Variants in RYR2 observed in about 807,000 individuals in gnomAD.
The protein encoded by RYR2 is cardiac muscle ryanodine receptor-calcium release channel.
RYR2 carries 227 observed loss-of-function variants against 601.1 expected under a neutral mutation model. That is an observed-to-expected ratio of 0.38 (90% CI 0.34 to 0.42). The LOEUF is 0.42. Ranked by LOEUF, RYR2 falls within the 10% of genes least tolerant of loss-of-function variation. The pLI, the probability that RYR2 is intolerant of heterozygous loss-of-function variation, is 1.00. For synonymous variants in RYR2, 2,223 were observed against 2,175.1 expected (o/e 1.02, Z -0.61); for missense variants, 4,646 against 6,156.5 (o/e 0.75, Z 8.21).
intron 1 of RYR2, among the ~76,000 whole-genome samples, chr1:237,097,598 C>A (rs79067483): frequency 0.032 from 4,897 of 152,134 alleles, 107 homozygotes; most frequent in East Asian, 0.066. Flanking sequence ...TATAGGAGAC[C>A]AAAATGGATA....
At chr1:237,157,733 G>A (rs140058069) in intron 1 of RYR2, among the ~76,000 whole-genome samples, 20 of 152,306 alleles carry the variant, frequency 1.3e-4, no homozygotes, top group African/African-American at 4.6e-4. Flanking sequence ...GAGAATGGAA[G>A]CGTAGTGGGA....
At chr1:237,192,716 G>T (rs948470130) in intron 1 of RYR2, among the ~76,000 whole-genome samples, 3 of 152,098 alleles carry the variant, frequency 2.0e-5, no homozygotes, top group East Asian at 3.9e-4. Context: ...TTTATTTTCC[G>T]CTAAGGGGTT....
intron 1 of RYR2, among the ~76,000 whole-genome samples, chr1:237,055,526 A>C (rs1233873155): frequency 6.6e-6 from 1 of 152,152 alleles, no homozygotes. Context: ...CGGGAGCTTT[A>C]GGACACAGTG....
At chr1:237,606,334 A>G (rs1387519553) in intron 35 of RYR2, among the ~76,000 whole-genome samples, 1 of 152,220 alleles carries the variant, frequency 6.6e-6, no homozygotes, top group Non-Finnish European at 1.5e-5. Flanking sequence ...TCCCTATTTA[A>G]TAAATGGTGC....
Position 237,400,316 on chromosome 1 carries a change from G to A in RYR2, c.773+12133G>A, listed in dbSNP as rs544376592. Among the ~76,000 whole-genome samples, 113 of 152,280 alleles carry A rather than the reference G, an allele frequency of 7.4e-4. No individual in the cohort carries two copies. In the South Asian group the frequency reaches 0.016, roughly 22 times the overall value. On this transcript the variant is annotated intron_variant, in intron 10 of 104. Coordinates refer to ENST00000366574, the MANE Select transcript of RYR2 (RefSeq NM_001035.3). Reference sequence around the variant, plus strand: ...TCGGGATACCAAGCACTCAGCTCCCGACAGCCTTCTCCTCCGCATTCCATC... The same window carrying A: ...TCGGGATACCAAGCACTCAGCTCCCAACAGCCTTCTCCTCCGCATTCCATC...
chr1:237,506,646 CTG>C, intron 22 of RYR2, 62 bp from the exon 23 acceptor site: 1 of 1,102,576 alleles, frequency 9.1e-7, no homozygotes, highest in South Asian at 1.4e-5. Flanking sequence ...GCAGTGAAGA[CTG>C]TTGGCACTGC....
chr1:237,131,661 A>G (rs1334149541), intron 1 of RYR2, among the ~76,000 whole-genome samples: 3 of 152,146 alleles, frequency 2.0e-5, no homozygotes, highest in Non-Finnish European at 2.9e-5. Flanking sequence ...AAAGATGAAG[A>G]ATTGTTTTGA....
rs144574317 is a variant in RYR2 at position 237,767,859 on chromosome 1, C to T, written c.11477-2948C>T. ...TTAAGGTCCCCTCAAGATCCACAAT[C>T]AGCATAATTTCCTCTATGGCAGCGG... is the stretch of plus-strand genomic sequence containing the variant. On this transcript the variant is annotated intron_variant, in intron 84 of 104. Transcript: ENST00000366574. Among the ~76,000 whole-genome samples the T allele has an allele frequency of 4.6e-5, 7 of 152,254 alleles. No individual in the cohort carries two copies. In the East Asian group the frequency reaches 7.7e-4, roughly 17 times the overall value.
chr1:237,807,393 C>G (rs1660748636), intron 99 of RYR2, among the ~76,000 whole-genome samples: 1 of 152,182 alleles, frequency 6.6e-6, no homozygotes, highest in Non-Finnish European at 1.5e-5. Flanking sequence ...CTCTGTCACC[C>G]AGGCTGGAAT....
intron 12 of RYR2, among the ~76,000 whole-genome samples, chr1:237,432,364 GT>G (rs1203771276): frequency 1.3e-5 from 2 of 152,074 alleles, no homozygotes; most frequent in African/African-American, 4.8e-5. Context: ...ACAACAATAT[GT>G]TTTCAATTGG....
intron 56 of RYR2, among the ~76,000 whole-genome samples, chr1:237,662,171 T>C (rs919844227): frequency 6.6e-6 from 1 of 152,126 alleles, no homozygotes; most frequent in African/African-American, 2.4e-5. Context: ...TAAATTGAGT[T>C]CTGATTTGGG....
Position 237,357,062 on chromosome 1 carries a change from AT to A in RYR2, c.294+1085del, listed in dbSNP as rs1410015084. On this transcript the variant is annotated intron_variant, in intron 4 of 104. Transcript: ENST00000366574. ...CATGTTCTCTTGTCTTTTTTTTTAA[AT>A]TTTTTTTAGCCCTTTAAAGACAAGG... 1.6e-4 allele frequency among the ~76,000 whole-genome samples: 24 copies of A among 150,518 alleles called. No individual in the cohort carries two copies. The East Asian group carries it at 4.1e-3, about 26-fold the overall frequency.
At chr1:237,120,172 T>C (rs1251091554) in intron 1 of RYR2, among the ~76,000 whole-genome samples, 1 of 152,226 alleles carries the variant, frequency 6.6e-6, no homozygotes, top group Non-Finnish European at 1.5e-5. Context: ...TAGTCATTTT[T>C]TTTTATCAGG....
rs559543349 is a variant in RYR2 at position 237,402,684 on chromosome 1, T to G, written c.774-14365T>G. 2.0e-5 allele frequency among the ~76,000 whole-genome samples: 3 copies of G among 152,168 alleles called. No homozygotes were observed. In the East Asian group the frequency reaches 5.8e-4, roughly 29 times the overall value. ...GTCACACACCTGTCATCCCAGCACTTTGGGAGGATACCTTGAACTCAGGAG... is the reference window on the plus strand; with the variant it reads ...GTCACACACCTGTCATCCCAGCACTGTGGGAGGATACCTTGAACTCAGGAG... On this transcript the variant is annotated intron_variant, in intron 10 of 104. Coordinates refer to ENST00000366574, the MANE Select transcript of RYR2 (RefSeq NM_001035.3).
chr1:237,585,825 C>T (rs1182735692), intron 29 of RYR2, among the ~76,000 whole-genome samples: 1 of 152,092 alleles, frequency 6.6e-6, no homozygotes, highest in African/African-American at 2.4e-5. Flanking sequence ...ATACCATCTA[C>T]TGGTATAATT....
At chr1:237,694,023 G>A (rs1420578693) in intron 63 of RYR2, among the ~76,000 whole-genome samples, 1 of 152,126 alleles carries the variant, frequency 6.6e-6, no homozygotes, top group South Asian at 2.1e-4. Flanking sequence ...GGCCGGGTGC[G>A]GTGGCTCACG....
chr1:237,687,659 C>CATAA (rs1686551455), intron 63 of RYR2, among the ~76,000 whole-genome samples, 155 bp downstream of exon 63: 1 of 152,022 alleles, frequency 6.6e-6, no homozygotes, highest in Non-Finnish European at 1.5e-5. Context: ...CGAGGTTGTT[C>CATAA]ATAAATAGCA....
At chr1:237,376,402 C>T (rs1306709571) in intron 7 of RYR2, among the ~76,000 whole-genome samples, 1 of 151,930 alleles carries the variant, frequency 6.6e-6, no homozygotes, top group Non-Finnish European at 1.5e-5. Context: ...CCTCAGTAAA[C>T]AAAACATACC....
rs189303117 is a variant in RYR2 at position 237,720,537 on chromosome 1, T to A, written c.10554+2016T>A. The stretch of plus-strand genomic sequence containing the variant: ...AGCCAGAAGAATTTGAACATTTTTT[T>A]AAAAGTTTATAAAGCCTCTATTGGA... On this transcript the variant is annotated intron_variant, in intron 73 of 104. Transcript: ENST00000366574. 6.8e-3 allele frequency among the ~76,000 whole-genome samples: 1,030 copies of A among 152,350 alleles called. 9 individuals are homozygous for A. Among genetic ancestry groups the A allele is most frequent in the African/African-American group, 0.018 (769 of 41,576 alleles).
Sources: gnomAD v4.1 joint callset for allele counts (sites outside exome capture counted in the v4.1 genomes callset) on GRCh38, gnomAD v4.1.1 for gene constraint, MANE v1.5 for transcripts, NCBI Gene and HGNC (gene_info 2026-07-23, HGNC 2026-07-21) for gene names.